RILPL2: variants seen among roughly 807,000 people sequenced by gnomAD.
RILPL2 encodes the protein Rab interacting lysosomal protein like 2, also known as RILP-like protein 2.
Under a neutral mutation model 22.2 loss-of-function variants are expected in RILPL2, and 19 were observed. That is an observed-to-expected ratio of 0.86 (90% CI 0.60 to 1.25). RILPL2 has a LOEUF of 1.25. Ranked by LOEUF, RILPL2 falls within the 50% of genes most tolerant of loss-of-function variation. The pLI, the probability that RILPL2 is intolerant of heterozygous loss-of-function variation, is 0.00. For missense variants in RILPL2, 243 were observed against 263.6 expected (o/e 0.92, Z 0.54); for synonymous variants, 123 against 111.6 (o/e 1.10, Z -0.64).
the RILPL2 span, among the ~76,000 whole-genome samples, chr12:123,410,038 G>C: frequency 6.6e-6 from 1 of 152,042 alleles, no homozygotes; most frequent in Non-Finnish European, 1.5e-5. Flanking sequence ...AGTAGAGACA[G>C]GGTTTCACCG....
At chr12:123,423,016 G>C (rs28625019) in intron 3 of RILPL2, 28 bp downstream of exon 3, 4 of 1,498,578 alleles carry the variant, frequency 2.7e-6, no homozygotes, top group Non-Finnish European at 2.8e-6. Context: ...TATTTGGCGG[G>C]ACCGGGGGGC....
chr12:123,411,133 C>T (rs1162253900), downstream of RILPL2: 1 of 151,650 alleles, frequency 6.6e-6, no homozygotes, highest in East Asian at 1.9e-4. Context: ...ACCTCCACCT[C>T]CCGGGTTCAA....
Position 123,436,466 on chromosome 12 carries a change from T to A in RILPL2, c.-46A>T. The A allele has an allele frequency of 6.6e-7, 1 of 1,524,086 alleles. No homozygotes were observed. The highest frequency in any genetic ancestry group is 8.8e-7 in the Non-Finnish European group (1 of 1,137,914). 94.4% of individuals were successfully genotyped at this position (1,524,086 alleles called of 1,614,324 possible). A position where few individuals can be genotyped will look rare whatever the true frequency, so the allele number is the denominator to read the frequency against. ...ACCTCGGAGCTGCTGTCTTGGAGTC[T>A]CCCAAAGGTTAGACTTCCTCCCGGC... On this transcript the variant is annotated 5_prime_UTR_variant, in exon 1 of 4. Coordinates refer to ENST00000280571, the MANE Select transcript of RILPL2 (RefSeq NM_145058.3). This position sits in a 1 kb window ranked among gnomAD's most constrained non-coding sequence, Gnocchi z 6.7.
intron 1 of RILPL2, among the ~76,000 whole-genome samples, chr12:123,431,700 C>T (rs1380591618): frequency 2.7e-5 from 4 of 150,824 alleles, no homozygotes; most frequent in Non-Finnish European, 5.9e-5. Flanking sequence ...GTGGCAGGCG[C>T]CTGTAGTCCC....
At chr12:123,418,652 C>CT in intron 3 of RILPL2, among the ~76,000 whole-genome samples, 1 of 151,688 alleles carries the variant, frequency 6.6e-6, no homozygotes, top group Non-Finnish European at 1.5e-5. Flanking sequence ...CACCTGGCAA[C>CT]TAAGAGGGCA....
chr12:123,417,161 T>A (rs1196257688), intron 3 of RILPL2, among the ~76,000 whole-genome samples: 1 of 151,796 alleles, frequency 6.6e-6, no homozygotes, highest in Non-Finnish European at 1.5e-5. Flanking sequence ...TAGCTGGGCA[T>A]GATGGTGAAC....
At chr12:123,420,577 C>G (rs1166878007) in intron 3 of RILPL2, among the ~76,000 whole-genome samples, 2 of 151,740 alleles carry the variant, frequency 1.3e-5, no homozygotes, top group Non-Finnish European at 2.9e-5. Flanking sequence ...GCTGGGATTA[C>G]AGGCACCCGC....
chr12:123,413,346 G>C (rs2139226601), downstream of RILPL2: 1 of 155,314 alleles, frequency 6.4e-6, no homozygotes, highest in South Asian at 2.0e-4. Flanking sequence ...GGCGTGTCCA[G>C]AGTTTGTTCC....
intron 3 of RILPL2, among the ~76,000 whole-genome samples, chr12:123,420,228 T>C (rs922758554): frequency 1.1e-4 from 17 of 151,724 alleles, no homozygotes; most frequent in Admixed American, 2.0e-4. Flanking sequence ...GGTTTCACCA[T>C]GTTAGCCAGG....
downstream of RILPL2, chr12:123,411,339 A>G (rs749978414): frequency 6.6e-6 from 1 of 151,002 alleles, no homozygotes; most frequent in Non-Finnish European, 1.5e-5. Flanking sequence ...CTATTTGTTC[A>G]TTGTAAAAGA....
intron 3 of RILPL2, among the ~76,000 whole-genome samples, chr12:123,419,776 T>G (rs1004264805): frequency 5.9e-5 from 9 of 151,572 alleles, no homozygotes; most frequent in Non-Finnish European, 1.3e-4. Flanking sequence ...GTATTTTTAT[T>G]TATTTAATTT....
intron 3 of RILPL2, among the ~76,000 whole-genome samples, chr12:123,421,082 G>A (rs1207359826): frequency 6.8e-6 from 1 of 147,920 alleles, no homozygotes; most frequent in East Asian, 2.0e-4. Context: ...TCACTCTGTT[G>A]CTCAGACTGG....
At chr12:123,427,242 A>C (rs28466887) in intron 2 of RILPL2, among the ~76,000 whole-genome samples, 49,502 of 151,510 alleles carry the variant, frequency 0.33, 8,511 homozygotes, top group South Asian at 0.52. Flanking sequence ...CCTTCACATG[A>C]CCTCTCCATG....
At chr12:123,416,713 T>C (rs1566089193) in intron 3 of RILPL2, among the ~76,000 whole-genome samples, 2 of 152,238 alleles carry the variant, frequency 1.3e-5, no homozygotes, top group Non-Finnish European at 2.9e-5. Flanking sequence ...ATTAAGTTTA[T>C]CTGACCCTGA....
chr12:123,417,035 A>C (rs1420410493), intron 3 of RILPL2, among the ~76,000 whole-genome samples: 1 of 152,088 alleles, frequency 6.6e-6, no homozygotes, highest in Non-Finnish European at 1.5e-5. Flanking sequence ...GCAGTGGCTT[A>C]CACCCGTAAT....
chr12:123,415,945 C>T (rs1215371390), intron 3 of RILPL2, 24 bp from the exon 4 acceptor site: 2 of 1,613,672 alleles, frequency 1.2e-6, no homozygotes, highest in Non-Finnish European at 1.7e-6. Context: ...AGAGAGGGTT[C>T]AGGGTAAGCA....
chr12:123,424,570 A>C (rs1879383135), intron 2 of RILPL2, among the ~76,000 whole-genome samples: 1 of 152,164 alleles, frequency 6.6e-6, no homozygotes, highest in Non-Finnish European at 1.5e-5. Flanking sequence ...ACCTCAGGTG[A>C]TCCACCCGCC....
intron 2 of RILPL2, among the ~76,000 whole-genome samples, chr12:123,430,266 A>G (rs535939738): frequency 0.022 from 3,317 of 150,032 alleles, 49 homozygotes; most frequent in Non-Finnish European, 0.032. Flanking sequence ...AAAATTAGCC[A>G]GGCACGGTGG....
At chr12:123,425,181 T>C (rs1879408332) in intron 2 of RILPL2, among the ~76,000 whole-genome samples, 1 of 151,954 alleles carries the variant, frequency 6.6e-6, no homozygotes, top group Non-Finnish European at 1.5e-5. Context: ...GGCCTTATTA[T>C]TATTTTTTTT....
Sources: allele counts gnomAD v4.1 joint callset (sites outside exome capture counted in the v4.1 genomes callset), GRCh38; gene constraint gnomAD v4.1.1; non-coding constraint Gnocchi (gnomAD v3.1); transcripts MANE v1.5; gene names NCBI Gene and HGNC (gene_info 2026-07-23, HGNC 2026-07-21).